Variants in TAF5L observed in about 807,000 individuals in gnomAD.
The protein encoded by TAF5L is TATA-box binding protein associated factor 5 like, also known as TAF5-like RNA polymerase II p300/CBP-associated factor-associated factor 65 kDa subunit 5L.
Under a neutral mutation model 51.3 loss-of-function variants are expected in TAF5L, and 7 were observed. That is an observed-to-expected ratio of 0.14 (90% confidence interval 0.08 to 0.26). The LOEUF (loss-of-function observed/expected upper bound fraction) is 0.26, where lower values mean the gene tolerates loss of function less well. Ranked by LOEUF, TAF5L falls within the 10% of genes least tolerant of loss-of-function variation. The pLI, the probability that TAF5L is intolerant of heterozygous loss-of-function variation, is 1.00. For missense variants in TAF5L, 575 were observed against 758.9 expected, an observed-to-expected ratio of 0.76 and a Z score of 2.85; for synonymous variants, 291 against 308.1, an observed-to-expected ratio of 0.94 and a Z score of 0.58.
At chr1:229,603,523 T>C (rs1361407870) in intron 3 of TAF5L, among the ~76,000 whole-genome samples, 4 of 152,250 alleles carry the variant, frequency 2.6e-5, no homozygotes, top group African/African-American at 7.2e-5. Context: ...TTAACATGTC[T>C]GGTTATACAG....
chr1:229,598,560 G>A (rs967009670), intron 4 of TAF5L, among the ~76,000 whole-genome samples: 6 of 152,086 alleles, frequency 3.9e-5, no homozygotes, highest in East Asian at 1.9e-4. Flanking sequence ...AGTGATAAGG[G>A]TAGCTGCATA....
At chr1:229,608,136 G>A (rs972340508) in intron 3 of TAF5L, among the ~76,000 whole-genome samples, 5 of 152,058 alleles carry the variant, frequency 3.3e-5, no homozygotes, top group Non-Finnish European at 7.4e-5. Flanking sequence ...CCTTACACAC[G>A]CATAGAATTA....
rs541616086 is a variant in TAF5L at position 229,625,279 on chromosome 1, T to C, written c.-4+606A>G. ...GAGGTGGTGAACCCGTCCCACACCA[T>C]GGGCGCACCAACCTTACCTTGCTGT... On this transcript the variant is annotated intron_variant, in intron 1 of 4. Transcript: ENST00000258281. The surrounding 1 kb of genome is among the most constrained non-coding windows in gnomAD (Gnocchi z 4.0). 2.0e-4 allele frequency among the ~76,000 whole-genome samples: 30 copies of C among 152,236 alleles called. 1 individual carries two copies. The South Asian group carries it at 5.6e-3, about 28-fold the overall frequency.
chr1:229,614,563 T>C, intron 1 of TAF5L, 78 bp from the exon 2 acceptor site: 1 of 1,559,670 alleles, frequency 6.4e-7, no homozygotes, highest in South Asian at 1.2e-5. Flanking sequence ...CCATCGCAGA[T>C]GGGTAGGACA....
intron 3 of TAF5L, among the ~76,000 whole-genome samples, chr1:229,603,704 G>A (rs902822610): frequency 2.6e-5 from 4 of 152,210 alleles, no homozygotes; most frequent in Admixed American, 6.5e-5. Context: ...GGAGTTTAGC[G>A]CCATGAAACT....
At chr1:229,605,457 T>G (rs998903482) in intron 3 of TAF5L, among the ~76,000 whole-genome samples, 1 of 152,186 alleles carries the variant, frequency 6.6e-6, no homozygotes, top group African/African-American at 2.4e-5. Flanking sequence ...GTTATTCTCT[T>G]TATTTGGAGA....
Position 229,594,104 on chromosome 1 carries a change from T to C in TAF5L, c.*193A>G. The C allele has an allele frequency of 1.6e-6, 1 of 622,362 alleles. No homozygotes were observed. Among genetic ancestry groups the C allele is most frequent in the Non-Finnish European group, 2.8e-6 (1 of 352,230 alleles). 38.6% of individuals were successfully genotyped at this position (622,362 alleles called of 1,614,324 possible). ...TCTTGATCACTCATCATTGCCTCTCTCCTGTTCCCCTCCCCAACCTTGGCC... is the reference window on the plus strand; with the variant it reads ...TCTTGATCACTCATCATTGCCTCTCCCCTGTTCCCCTCCCCAACCTTGGCC... On this transcript the variant is annotated 3_prime_UTR_variant, in exon 5 of 5. Transcript: ENST00000258281. This position sits in a 1 kb window ranked among gnomAD's most constrained non-coding sequence, Gnocchi z 7.9.
chr1:229,624,949 C>T (rs527411622), intron 1 of TAF5L, among the ~76,000 whole-genome samples: 1 of 152,176 alleles, frequency 6.6e-6, no homozygotes, highest in Admixed American at 6.5e-5. Context: ...CCTCTCAGCA[C>T]AGCTCCCAAC....
At position 229,614,159 on chromosome 1, in the gene TAF5L, G is replaced by A. The variant is rs373253251; in HGVS notation, c.142+182C>T. ...TATCAGAAGTGACAATGTGAGCACC[G>A]CTCTAAATGACAGACAGGGTCTCTG... On this transcript the variant is annotated intron_variant, in intron 2 of 4. Coordinates refer to ENST00000258281, the Ensembl canonical transcript of TAF5L. 7 of 933,720 alleles carry A rather than the reference G, an allele frequency of 7.5e-6. No homozygotes were observed. The East Asian group carries it at 1.1e-4, about 14-fold the overall frequency. 57.8% of individuals were successfully genotyped at this position (933,720 alleles called of 1,614,324 possible).
intron 1 of TAF5L, among the ~76,000 whole-genome samples, chr1:229,618,764 G>A (rs1258734089): frequency 2.0e-5 from 3 of 151,082 alleles, no homozygotes; most frequent in East Asian, 3.9e-4. Context: ...CCCCACCCCC[G>A]TTAGGCTCTA....
intron 1 of TAF5L, among the ~76,000 whole-genome samples, chr1:229,618,281 G>C (rs1037184938): frequency 6.6e-6 from 1 of 152,052 alleles, no homozygotes; most frequent in African/African-American, 2.4e-5. Context: ...TATACTCTTT[G>C]TTAACATTTC....
intron 4 of TAF5L, chr1:229,600,021 G>A: frequency 1.0e-6 from 1 of 985,088 alleles, no homozygotes; most frequent in Non-Finnish European, 1.2e-6. Flanking sequence ...GTGAGTTTGT[G>A]GCTCCTGTAT....
Position 229,614,543 on chromosome 1 carries a change from T to C in TAF5L, c.-3-58A>G, listed in dbSNP as rs989216380. ...ATCAGGGGCCTGGGAGAGCAACCTA[T>C]CTAACTGCACCATCGCAGATGGGTA... On this transcript the variant is annotated intron_variant, in intron 1 of 4. Transcript: ENST00000258281. The C allele has an allele frequency of 1.2e-5, 19 of 1,595,774 alleles. 1 individual carries two copies. In the South Asian group the frequency reaches 1.9e-4, roughly 16 times the overall value.
At chr1:229,608,827 C>T (rs1664690374) in intron 3 of TAF5L, among the ~76,000 whole-genome samples, 1 of 151,912 alleles carries the variant, frequency 6.6e-6, no homozygotes, top group Non-Finnish European at 1.5e-5. Context: ...ACAGTGAGAC[C>T]CTGTCTCTAC....
Position 229,594,371 on chromosome 1 carries a change from C to T in TAF5L, c.1696G>A (p.Val566Ile), listed in dbSNP as rs748830777. ...CAGGCCATGAACTGCACGCTCAGGA[C>T]GTTGCTCATCTGCCCGGTGTACACG... The change falls in exon 5 of 5, where the codon GTC (valine) becomes ATC (isoleucine). Residue 566 changes from valine (V) to isoleucine (I), a missense_variant. Around this residue, in one of 3 missense-constraint regions of TAF5L, gnomAD observed 91 missense variants for 96.9 expected, o/e 0.94. Coordinates refer to ENST00000258281, the Ensembl canonical transcript of TAF5L. This position sits in a 1 kb window ranked among gnomAD's most constrained non-coding sequence, Gnocchi z 7.9. The T allele has an allele frequency of 3.8e-5, 61 of 1,614,028 alleles. 1 individual carries two copies. The South Asian group carries it at 4.6e-4, about 12-fold the overall frequency.
In TAF5L at chr1:229,601,223, G is replaced by A; in HGVS notation, c.972+972C>T. On this transcript the variant is annotated intron_variant, in intron 4 of 4. Transcript: ENST00000258281. ...CAGAAAACAGGAACAGGAAAACAATGGTTTAATTTAGGGCACCCAATATTC... is the reference window on the plus strand; with the variant it reads ...CAGAAAACAGGAACAGGAAAACAATAGTTTAATTTAGGGCACCCAATATTC... 5 of 985,046 alleles carry A rather than the reference G, an allele frequency of 5.1e-6. No homozygotes were observed. The South Asian group carries it at 1.9e-4, about 37-fold the overall frequency. The allele number at this position is 985,046 out of a possible 1,614,324, so 61.0% of individuals were successfully genotyped here.
intron 1 of TAF5L, among the ~76,000 whole-genome samples, chr1:229,614,707 G>A (rs1664910109): frequency 6.6e-6 from 1 of 152,140 alleles, no homozygotes; most frequent in South Asian, 2.1e-4. Context: ...TTCAATTACA[G>A]AAAATAGGAA....
chr1:229,622,076 G>GAT (rs1665227514), intron 1 of TAF5L, among the ~76,000 whole-genome samples: 1 of 151,160 alleles, frequency 6.6e-6, no homozygotes, highest in Non-Finnish European at 1.5e-5. Context: ...TATACAGATA[G>GAT]ATATATATAG....
In TAF5L at chr1:229,614,501, C is replaced by G. The variant is rs766456723; in HGVS notation, c.-3-16G>C. The G allele has an allele frequency of 6.2e-7, 1 of 1,613,514 alleles. No homozygotes were observed. Among genetic ancestry groups the G allele is most frequent in the Non-Finnish European group, 8.5e-7 (1 of 1,179,606 alleles). On this transcript the variant is annotated splice_polypyrimidine_tract_variant and intron_variant, in intron 1 of 4. Transcript: ENST00000258281. ...GTTTCATGACCTTCAAGGGAGGCAA[C>G]GACAGGATACAGAGACATCAGGGGC... is the stretch of plus-strand genomic sequence containing the variant.
Sources: allele counts gnomAD v4.1 joint callset (sites outside exome capture counted in the v4.1 genomes callset), GRCh38; gene constraint gnomAD v4.1.1; regional missense constraint gnomAD v4.1.1; non-coding constraint Gnocchi (gnomAD v3.1); transcripts MANE v1.5; gene names NCBI Gene and HGNC (gene_info 2026-07-23, HGNC 2026-07-21).